Variants in KCNQ1OT1 observed in about 807,000 individuals in gnomAD.
KCNQ1OT1 encodes the protein KCNQ1 antisense RNA 2 (non-protein coding).
Position 2,651,765 on chromosome 11 carries a change from T to G in KCNQ1OT1, n.48230A>C. ...CTCTGATTACTGGAAATTCCTCAAG[T>G]GTTGACCATTTTGATTCCTGGGCCC... On this transcript the variant is annotated non_coding_transcript_exon_variant, in exon 1 of 1. Coordinates refer to ENST00000597346, the Ensembl canonical transcript of KCNQ1OT1. This position sits in a 1 kb window ranked among gnomAD's most constrained non-coding sequence, Gnocchi z 6.1. The G allele has an allele frequency of 2.5e-6, 1 of 398,666 alleles. No individual in the cohort carries two copies. The highest frequency in any genetic ancestry group is 4.4e-6 in the Non-Finnish European group (1 of 226,088). 24.7% of individuals were successfully genotyped at this position (398,666 alleles called of 1,614,324 possible). A position where few individuals can be genotyped will look rare whatever the true frequency, so the allele number is the denominator to read the frequency against.
Position 2,657,297 on chromosome 11 carries a change from G to T in KCNQ1OT1, n.42698C>A, listed in dbSNP as rs1408867710. Reference sequence around the variant, plus strand: ...ATTAAGATTTGGAGAGATTTATTCAGATTTTGAGATAATCTTTTCAGTATT... The same window carrying T: ...ATTAAGATTTGGAGAGATTTATTCATATTTTGAGATAATCTTTTCAGTATT... On this transcript the variant is annotated non_coding_transcript_exon_variant, in exon 1 of 1. Transcript: ENST00000597346. The surrounding 1 kb of genome is among the most constrained non-coding windows in gnomAD (Gnocchi z 4.8). The T allele has an allele frequency of 7.5e-6, 3 of 398,480 alleles. No individual in the cohort carries two copies. The highest frequency in any genetic ancestry group is 1.3e-5 in the Non-Finnish European group (3 of 226,058). 24.7% of individuals were successfully genotyped at this position (398,480 alleles called of 1,614,324 possible).
In KCNQ1OT1 at chr11:2,642,101, C is replaced by G. The variant is rs2133830945; in HGVS notation, n.57894G>C. ...TTTGCTCAGAATTGCTGTGGCTATT[C>G]CAGCTCTTTTTTGGTTCCATCTGAA... On this transcript the variant is annotated non_coding_transcript_exon_variant, in exon 1 of 1. Transcript: ENST00000597346. This position sits in a 1 kb window ranked among gnomAD's most constrained non-coding sequence, Gnocchi z 4.3. 1 of 398,366 alleles carries G rather than the reference C, an allele frequency of 2.5e-6. No individual in the cohort carries two copies. Among genetic ancestry groups the G allele is most frequent in the Non-Finnish European group, 4.4e-6 (1 of 225,936 alleles). 24.7% of individuals were successfully genotyped at this position (398,366 alleles called of 1,614,324 possible).
rs1440950417 is a variant in KCNQ1OT1 at position 2,620,661 on chromosome 11, G to A, written n.79334C>T. ...TGCTGTGATGAACATACAAATGCAT[G>A]TGTCTTTTTGATAGAACAATTTATT... On this transcript the variant is annotated non_coding_transcript_exon_variant, in exon 1 of 1. Coordinates refer to ENST00000597346, the Ensembl canonical transcript of KCNQ1OT1. This position sits in a 1 kb window ranked among gnomAD's most constrained non-coding sequence, Gnocchi z 4.5. 1 of 398,492 alleles carries A rather than the reference G, an allele frequency of 2.5e-6. No individual in the cohort carries two copies. The highest frequency in any genetic ancestry group is 3.6e-5 in the East Asian group (1 of 28,068). The allele number at this position is 398,492 out of a possible 1,614,324, so 24.7% of individuals were successfully genotyped here. A position where few individuals can be genotyped will look rare whatever the true frequency, so the allele number is the denominator to read the frequency against.
At chr11:2,681,932 A>G (rs1850405046) in exon 1 of KCNQ1OT1, 3 of 398,474 alleles carry the variant, frequency 7.5e-6, no homozygotes, top group Admixed American at 4.4e-5. Flanking sequence ...GCTGAAGAAT[A>G]ATCTTCAAAT....
chr11:2,645,075 G>A lies in KCNQ1OT1; in HGVS notation n.54920C>T, dbSNP rs983191283. 11 of 398,764 alleles carry A rather than the reference G, an allele frequency of 2.8e-5. No individual in the cohort carries two copies. In the Admixed American group the frequency reaches 3.5e-4, roughly 13 times the overall value. The allele number at this position is 398,764 out of a possible 1,614,324, so 24.7% of individuals were successfully genotyped here. ...CCAATGATGACAGAGCTGGGCCACA[G>A]GGTGGGTAGGTCCTTGAGCTCTGAG... On this transcript the variant is annotated non_coding_transcript_exon_variant, in exon 1 of 1. Transcript: ENST00000597346. The surrounding 1 kb of genome is among the most constrained non-coding windows in gnomAD (Gnocchi z 5.8).
chr11:2,691,356 G>T lies in KCNQ1OT1; in HGVS notation n.8639C>A. ...TGCACTTACAGTGACCACCCATCCT[G>T]ACATCTTGGGCTCAGGCCTCTGGGT... On this transcript the variant is annotated non_coding_transcript_exon_variant, in exon 1 of 1. Coordinates refer to ENST00000597346, the Ensembl canonical transcript of KCNQ1OT1. The surrounding 1 kb of genome is among the most constrained non-coding windows in gnomAD (Gnocchi z 6.4). 1 of 398,638 alleles carries T rather than the reference G, an allele frequency of 2.5e-6. No homozygotes were observed. Among genetic ancestry groups the T allele is most frequent in the South Asian group, 1.3e-4 (1 of 7,856 alleles). 24.7% of individuals were successfully genotyped at this position (398,638 alleles called of 1,614,324 possible). A position where few individuals can be genotyped will look rare whatever the true frequency, so the allele number is the denominator to read the frequency against.
At position 2,678,189 on chromosome 11, in the gene KCNQ1OT1, T is replaced by C. The variant is rs1427016747; in HGVS notation, n.21806A>G. On this transcript the variant is annotated non_coding_transcript_exon_variant, in exon 1 of 1. Transcript: ENST00000597346. This position sits in a 1 kb window ranked among gnomAD's most constrained non-coding sequence, Gnocchi z 4.9. ...TAATATTTTTCTGGTGGCAGAATTTTTTTAATTTCACATAGTCAGCTGTGT... is the reference window on the plus strand; with the variant it reads ...TAATATTTTTCTGGTGGCAGAATTTCTTTAATTTCACATAGTCAGCTGTGT... 1 of 398,276 alleles carries C rather than the reference T, an allele frequency of 2.5e-6. No homozygotes were observed. The highest frequency in any genetic ancestry group is 4.4e-6 in the Non-Finnish European group (1 of 225,972). 24.7% of individuals were successfully genotyped at this position (398,276 alleles called of 1,614,324 possible).
chr11:2,641,385 G>A, exon 1 of KCNQ1OT1: 2 of 397,726 alleles, frequency 5.0e-6, no homozygotes, highest in Non-Finnish European at 4.4e-6. Flanking sequence ...TATAATTACT[G>A]ATGTTGGGCT....
Position 2,695,127 on chromosome 11 carries a change from C to T in KCNQ1OT1, n.4868G>A, listed in dbSNP as rs980427024. The T allele has an allele frequency of 5.0e-6, 2 of 398,496 alleles. No homozygotes were observed. The highest frequency in any genetic ancestry group is 8.8e-6 in the Non-Finnish European group (2 of 226,092). 24.7% of individuals were successfully genotyped at this position (398,496 alleles called of 1,614,324 possible). ...ATCTGGCAGGAGAGTCATGGAGGCA[C>T]ATTCATTCGTTGGTTCTTGGCTTTT... On this transcript the variant is annotated non_coding_transcript_exon_variant, in exon 1 of 1. Coordinates refer to ENST00000597346, the Ensembl canonical transcript of KCNQ1OT1. The surrounding 1 kb of genome is among the most constrained non-coding windows in gnomAD (Gnocchi z 5.2).
At chr11:2,641,987 A>C (rs190872405) in exon 1 of KCNQ1OT1, 3 of 398,386 alleles carry the variant, frequency 7.5e-6, no homozygotes, top group Admixed American at 4.4e-5. Context: ...CCATTGGTCT[A>C]TCAGTTTTTA....
chr11:2,630,062 T>C, exon 1 of KCNQ1OT1: 2 of 398,326 alleles, frequency 5.0e-6, no homozygotes, highest in Non-Finnish European at 8.9e-6. Context: ...GCTATTCATA[T>C]ATGGCCTTTA....
chr11:2,669,315 G>C lies in KCNQ1OT1; in HGVS notation n.30680C>G. ...CACCATACATATGCCAGTTGCCATG[G>C]AAAGCCTCCTCTAGGCGCAGCAGCC... On this transcript the variant is annotated non_coding_transcript_exon_variant, in exon 1 of 1. Coordinates refer to ENST00000597346, the Ensembl canonical transcript of KCNQ1OT1. This position sits in a 1 kb window ranked among gnomAD's most constrained non-coding sequence, Gnocchi z 5.6. 1 of 398,624 alleles carries C rather than the reference G, an allele frequency of 2.5e-6. No homozygotes were observed. The highest frequency in any genetic ancestry group is 4.4e-6 in the Non-Finnish European group (1 of 226,072). The allele number at this position is 398,624 out of a possible 1,614,324, so 24.7% of individuals were successfully genotyped here.
chr11:2,628,496 A>G (rs983712718), exon 1 of KCNQ1OT1: 16 of 398,246 alleles, frequency 4.0e-5, no homozygotes, highest in Non-Finnish European at 6.6e-5. Flanking sequence ...TGGGTTATTA[A>G]GTTTTTTTGC....
Position 2,653,070 on chromosome 11 carries a change from A to C in KCNQ1OT1, n.46925T>G. On this transcript the variant is annotated non_coding_transcript_exon_variant, in exon 1 of 1. Coordinates refer to ENST00000597346, the Ensembl canonical transcript of KCNQ1OT1. The surrounding 1 kb of genome is among the most constrained non-coding windows in gnomAD (Gnocchi z 5.3). ...ACATGTTCCATAATTTGCATCAAAC[A>C]TCCTCATACAGCAGGGTGTGGAGAG... 1 of 398,718 alleles carries C rather than the reference A, an allele frequency of 2.5e-6. No individual in the cohort carries two copies. The highest frequency in any genetic ancestry group is 4.4e-6 in the Non-Finnish European group (1 of 226,106). The allele number at this position is 398,718 out of a possible 1,614,324, so 24.7% of individuals were successfully genotyped here. A position where few individuals can be genotyped will look rare whatever the true frequency, so the allele number is the denominator to read the frequency against.
chr11:2,670,052 A>G lies in KCNQ1OT1; in HGVS notation n.29943T>C. ...TACAGGCGGAAACCTAGCACTCACT[A>G]TTCTGCTCTGGGGAGGGGGTTGGAG... On this transcript the variant is annotated non_coding_transcript_exon_variant, in exon 1 of 1. Transcript: ENST00000597346. This position sits in a 1 kb window ranked among gnomAD's most constrained non-coding sequence, Gnocchi z 4.9. The G allele has an allele frequency of 5.0e-6, 2 of 398,588 alleles. No individual in the cohort carries two copies. The highest frequency in any genetic ancestry group is 1.3e-4 in the South Asian group (1 of 7,848). The allele number at this position is 398,588 out of a possible 1,614,324, so 24.7% of individuals were successfully genotyped here.
At chr11:2,614,520 T>C (rs1237896898) in exon 1 of KCNQ1OT1, 3 of 398,402 alleles carry the variant, frequency 7.5e-6, no homozygotes, top group African/African-American at 2.1e-5. Flanking sequence ...TTAACTCTTA[T>C]TTTTTGGTCT....
exon 1 of KCNQ1OT1, chr11:2,619,669 G>A (rs1017069118): frequency 2.5e-6 from 1 of 396,812 alleles, no homozygotes; most frequent in Non-Finnish European, 4.4e-6. Flanking sequence ...TCAAGGTGAT[G>A]CTGGCCTCAT....
exon 1 of KCNQ1OT1, chr11:2,618,311 A>G (rs1460189653): frequency 2.0e-5 from 8 of 398,490 alleles, no homozygotes; most frequent in Middle Eastern, 6.2e-4. Context: ...GATGGGCTAA[A>G]AAAATGCAAA....
chr11:2,634,651 T>C (rs1043261192), exon 1 of KCNQ1OT1: 2 of 152,222 alleles, frequency 1.3e-5, no homozygotes, highest in African/African-American at 4.8e-5. Flanking sequence ...CGTGTGCATG[T>C]GTCTTTATAG....
Sources: allele counts gnomAD v4.1 joint callset, GRCh38; gene constraint gnomAD v4.1.1; non-coding constraint Gnocchi (gnomAD v3.1); transcripts MANE v1.5; gene names NCBI Gene and HGNC (gene_info 2026-07-23, HGNC 2026-07-21).